ZNF800: variants seen among roughly 807,000 people sequenced by gnomAD.
ZNF800 encodes the protein zinc finger protein 800.
A neutral mutation model predicts 59.5 loss-of-function variants in ZNF800; 13 were observed. That is an observed-to-expected ratio of 0.22 (90% confidence interval 0.14 to 0.35). The LOEUF (loss-of-function observed/expected upper bound fraction) is 0.35, where lower values mean the gene tolerates loss of function less well. Ranked by LOEUF, ZNF800 falls within the 10% of genes least tolerant of loss-of-function variation. The pLI, the probability that ZNF800 is intolerant of heterozygous loss-of-function variation, is 1.00. For synonymous variants in ZNF800, 266 were observed against 265.7 expected (o/e 1.00, Z -0.01); for missense variants, 621 against 783.7 (o/e 0.79, Z 2.48).
In ZNF800 at chr7:127,387,782, G is replaced by C. The variant is rs1347499959; in HGVS notation, c.62-1627C>G. On this transcript the variant is annotated intron_variant, in intron 2 of 5. Transcript: ENST00000265827. ...AGGCTGAGCTGGGAGGATCGTTTGA[G>C]CCCGGGAGGCAGAGGTTGCAGTGAG... is the stretch of plus-strand genomic sequence containing the variant. 2.0e-5 allele frequency among the ~76,000 whole-genome samples: 3 copies of C among 152,002 alleles called. No individual in the cohort carries two copies. In the East Asian group the frequency reaches 5.8e-4, roughly 29 times the overall value.
chr7:127,386,283 C>A, intron 2 of ZNF800, 128 bp from the exon 3 acceptor site: 1 of 551,716 alleles, frequency 1.8e-6, no homozygotes. Context: ...CCCGCACACA[C>A]ACACGCATAT....
rs928879336 is a variant in ZNF800 at position 127,371,131 on chromosome 7, T to G, written c.*683A>C. 6.6e-6 allele frequency: 1 copy of G among 152,572 alleles called. No homozygotes were observed. The highest frequency in any genetic ancestry group is 2.4e-5 in the African/African-American group (1 of 41,452). The allele number at this position is 152,572 out of a possible 1,614,324, so 9.5% of individuals were successfully genotyped here. A position where few individuals can be genotyped will look rare whatever the true frequency, so the allele number is the denominator to read the frequency against. ...AGAAAAATAGGGGAATGTTTAATTTTCATAAAAACCTACATTTACAAGTGA... is the reference window on the plus strand; with the variant it reads ...AGAAAAATAGGGGAATGTTTAATTTGCATAAAAACCTACATTTACAAGTGA... On this transcript the variant is annotated 3_prime_UTR_variant, in exon 6 of 6. Coordinates refer to ENST00000265827, the MANE Select transcript of ZNF800 (RefSeq NM_176814.5).
At chr7:127,355,646 AG>A (rs2117032199) in intron 1 of ZNF800, among the ~76,000 whole-genome samples, 1 of 152,168 alleles carries the variant, frequency 6.6e-6, no homozygotes, top group South Asian at 2.1e-4. Flanking sequence ...GTAGGATGGG[AG>A]CAGTAATCGT....
At chr7:127,369,115 C>T (rs932429987), downstream of ZNF800, among the ~76,000 whole-genome samples, 4 of 151,962 alleles carry the variant, frequency 2.6e-5, no homozygotes, top group Non-Finnish European at 4.4e-5. Context: ...TATACTTCAG[C>T]TCTCATTTGC....
rs892449198 is a variant in ZNF800, at chr7:127,392,474, C to T, written c.-473G>A. ...GGCTGCCGCCGCAACCCGGGTCCCA[C>T]CAGCGCCGCTCCACCTGCAACGGTC... On this transcript the variant is annotated 5_prime_UTR_variant, in exon 1 of 6. The change creates a new upstream start codon in the 5' untranslated region. Coordinates refer to ENST00000265827, the MANE Select transcript of ZNF800 (RefSeq NM_176814.5). 1 of 363,608 alleles carries T rather than the reference C, an allele frequency of 2.8e-6. No homozygotes were observed. The highest frequency in any genetic ancestry group is 4.9e-6 in the Non-Finnish European group (1 of 203,866). The allele number at this position is 363,608 out of a possible 1,614,324, so 22.5% of individuals were successfully genotyped here.
intron 1 of ZNF800, among the ~76,000 whole-genome samples, chr7:127,356,628 A>G (rs183253018): frequency 1.0e-3 from 157 of 152,170 alleles, no homozygotes; most frequent in Non-Finnish European, 7.8e-4. Context: ...TATGGTTAAT[A>G]TAATTGTGTG....
downstream of ZNF800, among the ~76,000 whole-genome samples, chr7:127,367,807 C>T (rs2285336): frequency 2.6e-4 from 40 of 152,034 alleles, no homozygotes; most frequent in East Asian, 3.5e-3. Context: ...TGCTAGGCAC[C>T]GTACAAAATT....
In ZNF800 at chr7:127,374,690, C is replaced by A; in HGVS notation, c.646G>T (p.Ala216Ser). Reference protein sequence around the residue: ...TSDEQPQESQADLETSDNSDF... With the variant: ...TSDEQPQESQSDLETSDNSDF... ...GAATTGTCAGAAGTTTCCAAGTCAG[C>A]CTGCGACTCCTGAGGTTGTTCATCA... The change falls in exon 5 of 6, where the codon GCT becomes TCT. Residue 216 changes from alanine to serine, a missense_variant. Ala to Ser is a moderately conservative substitution (Grantham distance 99, BLOSUM62 1). Transcript: ENST00000265827. 1 of 1,613,968 alleles carries A rather than the reference C, an allele frequency of 6.2e-7. No individual in the cohort carries two copies.
At chr7:127,351,973 A>T (rs1387706464) in intron 1 of ZNF800, among the ~76,000 whole-genome samples, 1 of 152,236 alleles carries the variant, frequency 6.6e-6, no homozygotes, top group Non-Finnish European at 1.5e-5. Context: ...GGAAATGTGG[A>T]GAATGGGGTA....
intron 1 of ZNF800, among the ~76,000 whole-genome samples, chr7:127,358,691 T>C (rs1800331134): frequency 6.6e-6 from 1 of 152,120 alleles, no homozygotes; most frequent in Admixed American, 6.6e-5. Context: ...TTAGGAATTA[T>C]AAGTCTTTCC....
chr7:127,354,311 C>A (rs992258907), intron 1 of ZNF800, among the ~76,000 whole-genome samples: 3 of 152,040 alleles, frequency 2.0e-5, no homozygotes, highest in African/African-American at 2.4e-5. Context: ...CATCATGTTG[C>A]ACGTGAGGTA....
Position 127,377,247 on chromosome 7 carries a change from T to C in ZNF800, c.240A>G (p.Gly80=). The change falls in exon 4 of 6, where the codon GGA becomes GGG. Residue 80 remains glycine, a synonymous_variant. Coordinates refer to ENST00000265827, the MANE Select transcript of ZNF800 (RefSeq NM_176814.5). This position sits in a 1 kb window ranked among gnomAD's most constrained non-coding sequence, Gnocchi z 4.7. Reference sequence around the variant, plus strand: ...TTTTATGGGTAATTAAATTTGGTAATCCTCTGAAGAGACTGCGGCATAACT... The same window carrying C: ...TTTTATGGGTAATTAAATTTGGTAACCCTCTGAAGAGACTGCGGCATAACT... The part of the protein sequence containing the change: ...ECKLCRSLFR[G]LPNLITHKKF... 6.2e-7 allele frequency: 1 copy of C among 1,612,164 alleles called. No individual in the cohort carries two copies. The highest frequency in any genetic ancestry group is 8.5e-7 in the Non-Finnish European group (1 of 1,178,748).
At chr7:127,372,474 C>T (rs1800659097) in intron 5 of ZNF800, 3 of 429,052 alleles carry the variant, frequency 7.0e-6, no homozygotes, top group Non-Finnish European at 8.6e-6. Flanking sequence ...GAGCGAAACT[C>T]CGTCTCAAAA....
At chr7:127,344,705 G>T (rs142956686), downstream of ZNF800, among the ~76,000 whole-genome samples, 1 of 152,052 alleles carries the variant, frequency 6.6e-6, no homozygotes, top group Admixed American at 6.5e-5. Context: ...TTCAGAAACC[G>T]CTCCAAGTGT....
rs1300309242 is a variant in ZNF800 at position 127,370,093 on chromosome 7, T to C, written c.*1721A>G. 2 of 152,284 alleles carry C rather than the reference T, an allele frequency of 1.3e-5. No homozygotes were observed. Among genetic ancestry groups the C allele is most frequent in the East Asian group, 3.9e-4 (2 of 5,192 alleles). 9.4% of individuals were successfully genotyped at this position (152,284 alleles called of 1,614,324 possible). ...ATGTGCAACTAATGAAGATGGCTTA[T>C]AAATGAAATACCACCTACACATTTA... On this transcript the variant is annotated 3_prime_UTR_variant, in exon 6 of 6. Coordinates refer to ENST00000265827, the MANE Select transcript of ZNF800 (RefSeq NM_176814.5).
intron 1 of ZNF800, among the ~76,000 whole-genome samples, chr7:127,354,846 A>G (rs896424964): frequency 2.6e-5 from 4 of 152,106 alleles, no homozygotes; most frequent in African/African-American, 9.6e-5. Flanking sequence ...GTACAACTCA[A>G]CAGAATTATG....
chr7:127,375,088 T>C, intron 4 of ZNF800, 54 bp from the exon 5 acceptor site: 1 of 1,402,418 alleles, frequency 7.1e-7, no homozygotes, highest in Non-Finnish European at 9.5e-7. Context: ...GCTGTAGCCC[T>C]CTAATATTTT....
At chr7:127,357,094 T>C (rs1187326328) in intron 1 of ZNF800, among the ~76,000 whole-genome samples, 1 of 152,118 alleles carries the variant, frequency 6.6e-6, no homozygotes, top group Non-Finnish European at 1.5e-5. Flanking sequence ...TCATCTTGCA[T>C]ACCCTCATAA....
intron 1 of ZNF800, chr7:127,361,482 G>A (rs1800391998): frequency 1.3e-5 from 2 of 152,180 alleles, no homozygotes; most frequent in South Asian, 4.2e-4. Flanking sequence ...TCAGGAAGCT[G>A]AGGAAGGAGA....
Sources: gnomAD v4.1 joint callset for allele counts (sites outside exome capture counted in the v4.1 genomes callset) on GRCh38, gnomAD v4.1.1 for gene constraint, Gnocchi (gnomAD v3.1) non-coding constraint, MANE v1.5 for transcripts, NCBI Gene and HGNC (gene_info 2026-07-23, HGNC 2026-07-21) for gene names.